The following TMEM233 variants were observed in gnomAD, a reference collection of about 807,000 sequenced individuals.
The protein encoded by TMEM233 is transmembrane protein 233.
In TMEM233, 6 loss-of-function variants were observed where a neutral mutation model predicts 11.2. The observed-to-expected ratio is 0.54, with a 90% confidence interval of 0.29 to 1.06. The LOEUF (loss-of-function observed/expected upper bound fraction) is 1.06, where lower values mean the gene tolerates loss of function less well. Among genes scored for constraint, TMEM233 ranks in the 50% least tolerant of loss-of-function variants. The pLI is 0.08. For synonymous variants in TMEM233, 59 were observed against 55.8 expected (o/e 1.06, Z -0.26); for missense variants, 127 against 144.7 (o/e 0.88, Z 0.63).
chr12:119,609,392 T>C (rs996958934), intron 1 of TMEM233, among the ~76,000 whole-genome samples: 17 of 152,212 alleles, frequency 1.1e-4, no homozygotes, highest in African/African-American at 4.1e-4. Flanking sequence ...AGCTATTTTC[T>C]GGGGAGAAAT....
chr12:119,604,024 A>G (rs1056357440), intron 1 of TMEM233, among the ~76,000 whole-genome samples: 5 of 152,200 alleles, frequency 3.3e-5, no homozygotes, highest in African/African-American at 7.2e-5. Context: ...GAGCTCACCA[A>G]TATGCTCACA....
chr12:119,653,308 T>C, the TMEM233 span, among the ~76,000 whole-genome samples: 5 of 144,554 alleles, frequency 3.5e-5, no homozygotes, highest in East Asian at 1.0e-3. Flanking sequence ...AGGAGAATGG[T>C]GTGAACCTGG....
downstream of TMEM233, among the ~76,000 whole-genome samples, chr12:119,645,339 AT>A (rs1203709932): frequency 1.2e-4 from 18 of 151,456 alleles, no homozygotes; most frequent in African/African-American, 4.4e-4. Flanking sequence ...AAAAAAAAAA[AT>A]CTTGTAAGAT....
intron 1 of TMEM233, among the ~76,000 whole-genome samples, chr12:119,600,729 T>C (rs1197439719): frequency 1.3e-5 from 2 of 152,120 alleles, no homozygotes; most frequent in Non-Finnish European, 2.9e-5. Flanking sequence ...ATGAAATACC[T>C]AGAGTGGTCT....
chr12:119,653,391 CAAA>C, the TMEM233 span, among the ~76,000 whole-genome samples: 7 of 81,414 alleles, frequency 8.6e-5, no homozygotes, highest in African/African-American at 3.4e-4. Flanking sequence ...GACGCCACCT[CAAA>C]AAAAAAAAAA....
chr12:119,619,653 A>C (rs889593177), intron 1 of TMEM233, among the ~76,000 whole-genome samples: 1 of 152,104 alleles, frequency 6.6e-6, no homozygotes, highest in Non-Finnish European at 1.5e-5. Flanking sequence ...GAAAAAAAAA[A>C]AAACACACTG....
At chr12:119,600,414 C>T (rs1434343838) in intron 1 of TMEM233, among the ~76,000 whole-genome samples, 1 of 150,150 alleles carries the variant, frequency 6.7e-6, no homozygotes, top group Non-Finnish European at 1.5e-5. Context: ...GCAGAAGCTC[C>T]TTTGAGCTGG....
At chr12:119,616,979 C>A (rs184778579) in intron 1 of TMEM233, among the ~76,000 whole-genome samples, 11 of 152,360 alleles carry the variant, frequency 7.2e-5, no homozygotes, top group Non-Finnish European at 1.3e-4. Context: ...AATTAAACCT[C>A]TTTCCTTTAT....
intron 2 of TMEM233, among the ~76,000 whole-genome samples, chr12:119,633,425 A>AG (rs1469762715): frequency 6.6e-6 from 1 of 151,944 alleles, no homozygotes; most frequent in Non-Finnish European, 1.5e-5. Context: ...TAAAAAAAAA[A>AG]AATTTTTTTT....
At chr12:119,619,428 C>A (rs1954599785) in intron 1 of TMEM233, among the ~76,000 whole-genome samples, 2 of 152,094 alleles carry the variant, frequency 1.3e-5, no homozygotes, top group Non-Finnish European at 2.9e-5. Flanking sequence ...ATAATTTGAG[C>A]TCTGAAGTTC....
downstream of TMEM233, among the ~76,000 whole-genome samples, chr12:119,646,853 C>T (rs1955159450): frequency 6.6e-6 from 1 of 152,198 alleles, no homozygotes; most frequent in African/African-American, 2.4e-5. Context: ...TACCATGTAA[C>T]CCAACATATT....
At chr12:119,630,684 G>A (rs1305549365) in intron 2 of TMEM233, among the ~76,000 whole-genome samples, 4 of 152,166 alleles carry the variant, frequency 2.6e-5, no homozygotes, top group Non-Finnish European at 5.9e-5. Context: ...ATCCCACATG[G>A]GCTTTTTACT....
At chr12:119,616,404 A>G (rs1954534522) in intron 1 of TMEM233, among the ~76,000 whole-genome samples, 1 of 152,256 alleles carries the variant, frequency 6.6e-6, no homozygotes, top group South Asian at 2.1e-4. Flanking sequence ...AAGTCCCTTC[A>G]TTTTAAAATA....
intron 1 of TMEM233, among the ~76,000 whole-genome samples, chr12:119,608,339 G>A (rs779062475): frequency 2.0e-5 from 3 of 152,172 alleles, no homozygotes; most frequent in Non-Finnish European, 4.4e-5. Flanking sequence ...CTATTCTGTA[G>A]AAAGTATCTA....
At chr12:119,612,565 G>A (rs566765085) in intron 1 of TMEM233, among the ~76,000 whole-genome samples, 15 of 152,078 alleles carry the variant, frequency 9.9e-5, no homozygotes, top group African/African-American at 3.4e-4. Context: ...TGGCTAACAC[G>A]GTGAAACCCC....
chr12:119,640,674 C>T, intron 2 of TMEM233, 25 bp from the exon 3 acceptor site: 1 of 1,549,666 alleles, frequency 6.5e-7, no homozygotes, highest in Non-Finnish European at 8.7e-7. Context: ...GTCTTTCTCT[C>T]TCTCTCTCTG....
At chr12:119,618,179 G>A (rs1241736746) in intron 1 of TMEM233, among the ~76,000 whole-genome samples, 1 of 152,248 alleles carries the variant, frequency 6.6e-6, no homozygotes, top group African/African-American at 2.4e-5. Context: ...TGTTAGTCCT[G>A]AGGGTGTGCA....
chr12:119,616,691 C>T (rs1954542590), intron 1 of TMEM233, among the ~76,000 whole-genome samples: 1 of 152,136 alleles, frequency 6.6e-6, no homozygotes, highest in Non-Finnish European at 1.5e-5. Flanking sequence ...TGTCCCCACC[C>T]AAATCTCAAT....
At chr12:119,611,754 C>G (rs1954403355) in intron 1 of TMEM233, among the ~76,000 whole-genome samples, 1 of 152,078 alleles carries the variant, frequency 6.6e-6, no homozygotes, top group African/African-American at 2.4e-5. Context: ...AACATGAACA[C>G]TGGGAGGGGG....
Sources: gnomAD v4.1 joint callset for allele counts (sites outside exome capture counted in the v4.1 genomes callset) on GRCh38, gnomAD v4.1.1 for gene constraint, MANE v1.5 for transcripts, NCBI Gene and HGNC (gene_info 2026-07-23, HGNC 2026-07-21) for gene names.